MAPRE2: variants seen among roughly 807,000 people sequenced by gnomAD.
MAPRE2 encodes the protein microtubule-associated protein RP/EB family member 2.
Under a neutral mutation model 43.2 loss-of-function variants are expected in MAPRE2, and 13 were observed. The observed-to-expected ratio is 0.30, with a 90% CI of 0.20 to 0.48. MAPRE2 has a LOEUF of 0.48. Among genes scored for constraint, MAPRE2 ranks in the 20% least tolerant of loss-of-function variants. MAPRE2 has a pLI of 0.99. For missense variants in MAPRE2, 161 were observed against 400.2 expected (o/e 0.40, Z 5.10); for synonymous variants, 135 against 148.8 (o/e 0.91, Z 0.68).
chr18:35,128,265 G>A (rs1232429387), intron 5 of MAPRE2, among the ~76,000 whole-genome samples: 1 of 152,194 alleles, frequency 6.6e-6, no homozygotes, highest in East Asian at 1.9e-4. Flanking sequence ...TTCTCAGTTT[G>A]AGCCCTGTTT....
chr18:35,010,666 C>T (rs1029414578), intron 2 of MAPRE2, among the ~76,000 whole-genome samples: 1 of 152,154 alleles, frequency 6.6e-6, no homozygotes, highest in South Asian at 2.1e-4. Context: ...CAGAGATTAA[C>T]GTTCTCATTT....
rs149016749 is a variant in MAPRE2 at position 35,025,195 on chromosome 18, T to C, written c.-8+19642T>C. ...AGTTTCAGGAACTCTTCTCAAGTAC[T>C]GTGAATGTGGAAGGAGGCCACTTGT... On this transcript the variant is annotated intron_variant, in intron 2 of 7. Coordinates refer to the MAPRE2 transcript ENST00000413393. Among the ~76,000 whole-genome samples the C allele has an allele frequency of 2.0e-4, 31 of 152,322 alleles. No homozygotes were observed. In the East Asian group the frequency reaches 5.8e-3, roughly 28 times the overall value.
Position 35,008,953 on chromosome 18 carries a change from T to A in MAPRE2, c.-8+3400T>A, listed in dbSNP as rs184373080. Among the ~76,000 whole-genome samples the A allele has an allele frequency of 2.7e-5, 4 of 148,938 alleles. No homozygotes were observed. The East Asian group carries it at 8.2e-4, about 31-fold the overall frequency. On this transcript the variant is annotated intron_variant, in intron 2 of 7. Transcript: ENST00000413393. ...GCACTGTGCTGAGTGTTTTGGGGTGTGTGTGTGTGTGCATGCACGTGTGTG... is the reference window on the plus strand; with the variant it reads ...GCACTGTGCTGAGTGTTTTGGGGTGAGTGTGTGTGTGCATGCACGTGTGTG...
chr18:34,994,488 C>A (rs1205954685), intron 1 of MAPRE2, among the ~76,000 whole-genome samples: 2 of 151,154 alleles, frequency 1.3e-5, no homozygotes, highest in Non-Finnish European at 2.9e-5. Context: ...GAAGAGGCAG[C>A]AAAAAAGGCC....
chr18:34,988,190 G>T (rs1230519574), intron 1 of MAPRE2, among the ~76,000 whole-genome samples: 1 of 152,136 alleles, frequency 6.6e-6, no homozygotes, highest in African/African-American at 2.4e-5. Flanking sequence ...ATCCAGTTGG[G>T]TCTATGGGAG....
intron 1 of MAPRE2, among the ~76,000 whole-genome samples, chr18:35,000,162 C>G (rs1327810582): frequency 2.0e-5 from 3 of 152,084 alleles, no homozygotes; most frequent in African/African-American, 7.2e-5. Context: ...ACAGCTTATT[C>G]TGGAGATCCA....
chr18:34,981,864 AT>A (rs1432961000), intron 1 of MAPRE2, among the ~76,000 whole-genome samples: 8,718 of 73,918 alleles, frequency 0.12, 453 homozygotes, highest in African/African-American at 0.17. Flanking sequence ...GACTTTATTT[AT>A]TTTTTTTTTT....
chr18:35,030,251 T>C (rs894409700), intron 2 of MAPRE2, among the ~76,000 whole-genome samples: 2 of 152,192 alleles, frequency 1.3e-5, no homozygotes, highest in African/African-American at 4.8e-5. Flanking sequence ...TTATTCTCTC[T>C]GTCTCTCAGC....
intron 2 of MAPRE2, among the ~76,000 whole-genome samples, chr18:35,026,781 C>A (rs1568975834): frequency 6.6e-6 from 1 of 152,152 alleles, no homozygotes; most frequent in Non-Finnish European, 1.5e-5. Context: ...AAGCAGAGGA[C>A]AGGTTCCCTC....
At chr18:35,108,875 C>A (rs1909037104) in intron 4 of MAPRE2, among the ~76,000 whole-genome samples, 1 of 151,896 alleles carries the variant, frequency 6.6e-6, no homozygotes, top group Admixed American at 6.6e-5. Context: ...GAATATTAGA[C>A]CGTTGTCAGA....
intron 4 of MAPRE2, among the ~76,000 whole-genome samples, chr18:35,108,517 T>G (rs763380572): frequency 6.6e-6 from 1 of 152,222 alleles, no homozygotes; most frequent in Non-Finnish European, 1.5e-5. Context: ...AAATGGTTTT[T>G]CTGATTCTAG....
At chr18:34,981,209 A>G (rs929734859) in intron 1 of MAPRE2, among the ~76,000 whole-genome samples, 1 of 152,008 alleles carries the variant, frequency 6.6e-6, no homozygotes, top group Non-Finnish European at 1.5e-5. Context: ...TCCCGTCTCC[A>G]CTAAAAATAT....
chr18:35,115,619 C>G (rs769244349), intron 4 of MAPRE2, among the ~76,000 whole-genome samples: 4 of 152,080 alleles, frequency 2.6e-5, no homozygotes, highest in Non-Finnish European at 4.4e-5. Context: ...AGAACACGCA[C>G]TATTTGATTT....
chr18:35,140,222 G>A, intron 6 of MAPRE2, 73 bp from the exon 7 acceptor site: 2 of 1,338,344 alleles, frequency 1.5e-6, no homozygotes, highest in Non-Finnish European at 2.1e-6. Flanking sequence ...GCTGGCAGTG[G>A]CAATGGGCTG....
chr18:35,035,750 A>T (rs2097050226), intron 2 of MAPRE2, among the ~76,000 whole-genome samples: 1 of 147,416 alleles, frequency 6.8e-6, no homozygotes, highest in African/African-American at 2.5e-5. Flanking sequence ...CACTGAAATC[A>T]CTCCTTCCTG....
intron 1 of MAPRE2, among the ~76,000 whole-genome samples, chr18:35,067,826 C>T (rs1603397102): frequency 6.6e-6 from 1 of 152,078 alleles, no homozygotes; most frequent in South Asian, 2.1e-4. Flanking sequence ...ACATAATTTA[C>T]ATAGATGATT....
chr18:35,031,269 T>C (rs1289018960), intron 2 of MAPRE2, among the ~76,000 whole-genome samples: 1 of 152,250 alleles, frequency 6.6e-6, no homozygotes, highest in Non-Finnish European at 1.5e-5. Context: ...AAGTTCTCAA[T>C]AAATATTTGT....
Position 35,140,756 on chromosome 18 carries a change from T to C in MAPRE2, c.*387T>C, listed in dbSNP as rs1910599134. On this transcript the variant is annotated 3_prime_UTR_variant, in exon 7 of 7. Transcript: ENST00000300249. Reference sequence around the variant, plus strand: ...TTGATATATGGTATTTATATTGGCATTTTTCAACCCAGTGTCACTAGATGT... The same window carrying C: ...TTGATATATGGTATTTATATTGGCACTTTTCAACCCAGTGTCACTAGATGT... 5.4e-6 allele frequency: 1 copy of C among 183,982 alleles called. No homozygotes were observed. Among genetic ancestry groups the C allele is most frequent in the Non-Finnish European group, 1.1e-5 (1 of 88,018 alleles). 11.4% of individuals were successfully genotyped at this position (183,982 alleles called of 1,614,324 possible). A position where few individuals can be genotyped will look rare whatever the true frequency, so the allele number is the denominator to read the frequency against.
intron 2 of MAPRE2, among the ~76,000 whole-genome samples, chr18:35,016,735 T>C (rs1039452027): frequency 2.0e-5 from 3 of 152,108 alleles, no homozygotes; most frequent in Non-Finnish European, 4.4e-5. Context: ...TTGTGAATAT[T>C]TTCTCCCATT....
Sources: gnomAD v4.1 joint callset for allele counts (sites outside exome capture counted in the v4.1 genomes callset) on GRCh38, gnomAD v4.1.1 for gene constraint, MANE v1.5 for transcripts, NCBI Gene and HGNC (gene_info 2026-07-23, HGNC 2026-07-21) for gene names.